Variants in DPP6 observed in about 807,000 individuals in gnomAD.
DPP6 encodes the protein A-type potassium channel modulatory protein DPP6.
DPP6 carries 69 observed loss-of-function variants against 122.6 expected under a neutral mutation model. That is an observed-to-expected ratio of 0.56 (90% CI 0.46 to 0.69). DPP6 has a LOEUF of 0.69. Ranked by LOEUF, DPP6 falls within the 30% of genes least tolerant of loss-of-function variation. The pLI is 0.00. For synonymous variants in DPP6, 418 were observed against 433.1 expected (o/e 0.97, Z 0.43); for missense variants, 928 against 1,116.9 (o/e 0.83, Z 2.41).
intron 5 of DPP6, among the ~76,000 whole-genome samples, chr7:154,574,619 TGTG>T (rs1831375138): frequency 1.3e-5 from 1 of 78,408 alleles, no homozygotes; most frequent in East Asian, 3.5e-4. Context: ...TTGGGGTGTA[TGTG>T]TGTGGTGTGT....
chr7:154,268,120 C>T (rs909765819), intron 1 of DPP6, among the ~76,000 whole-genome samples: 1 of 152,112 alleles, frequency 6.6e-6, no homozygotes, highest in African/African-American at 2.4e-5. Flanking sequence ...GCTCCTAGGT[C>T]TGAAAGTTTA....
At chr7:153,852,000 A>T in the DPP6 span, among the ~76,000 whole-genome samples, 1 of 151,928 alleles carries the variant, frequency 6.6e-6, no homozygotes, top group East Asian at 1.9e-4. Flanking sequence ...TCTCCCTCCC[A>T]TCTCTCTGTG....
intron 8 of DPP6, among the ~76,000 whole-genome samples, chr7:154,730,968 A>G (rs1423769310): frequency 6.6e-6 from 1 of 152,264 alleles, no homozygotes; most frequent in African/African-American, 2.4e-5. Context: ...GTGATAACAG[A>G]GCCCTAAATA....
At chr7:154,206,695 GA>G (rs1455661440) in intron 1 of DPP6, among the ~76,000 whole-genome samples, 1 of 152,100 alleles carries the variant, frequency 6.6e-6, no homozygotes, top group Non-Finnish European at 1.5e-5. Flanking sequence ...ACATGCCCTA[GA>G]AAAAAATGCA....
chr7:154,178,686 A>G (rs1797929455), intron 1 of DPP6, among the ~76,000 whole-genome samples: 1 of 152,220 alleles, frequency 6.6e-6, no homozygotes, highest in South Asian at 2.1e-4. Context: ...GATCACGTTT[A>G]TATAGGATTT....
Position 154,624,271 on chromosome 7 carries a change from G to A in DPP6, c.628-13550G>A, listed in dbSNP as rs1475611059. Among the ~76,000 whole-genome samples, 1 of 151,134 alleles carries A rather than the reference G, an allele frequency of 6.6e-6. No homozygotes were observed. Among genetic ancestry groups the A allele is most frequent in the Admixed American group, 6.6e-5 (1 of 15,154 alleles). On this transcript the variant is annotated intron_variant, in intron 5 of 25. Coordinates refer to ENST00000377770, the MANE Select transcript of DPP6 (RefSeq NM_130797.4). This position sits in a 1 kb window ranked among gnomAD's most constrained non-coding sequence, Gnocchi z 4.7. ...GAACCCGGGAGGCAGAGGTTGCAGT[G>A]AGCCAAGATCACGTCACTGCACTCC...
At chr7:153,856,623 T>C in the DPP6 span, among the ~76,000 whole-genome samples, 1 of 152,234 alleles carries the variant, frequency 6.6e-6, no homozygotes, top group African/African-American at 2.4e-5. Flanking sequence ...TCCTGCCCTA[T>C]GGGGCAGTTT....
chr7:154,463,130 G>A (rs12056160), intron 2 of DPP6, among the ~76,000 whole-genome samples: 6,771 of 149,660 alleles, frequency 0.045, 187 homozygotes, highest in East Asian at 0.14. Context: ...GTACCCTGCC[G>A]CTTTGTGGCT....
At chr7:154,295,941 C>T (rs1042673922) in intron 1 of DPP6, among the ~76,000 whole-genome samples, 17 of 113,780 alleles carry the variant, frequency 1.5e-4, no homozygotes, top group Admixed American at 3.2e-4. Flanking sequence ...TAAACAGTTG[C>T]TTCTTTTTTT....
At chr7:154,832,462 C>T (rs1484132610) in intron 16 of DPP6, among the ~76,000 whole-genome samples, 2 of 152,142 alleles carry the variant, frequency 1.3e-5, no homozygotes, top group African/African-American at 4.8e-5. Context: ...CCATTGGGAG[C>T]CTGGAAGCTG....
intron 7 of DPP6, among the ~76,000 whole-genome samples, chr7:154,685,401 G>A (rs545359662): frequency 3.9e-5 from 6 of 152,180 alleles, no homozygotes; most frequent in Non-Finnish European, 5.9e-5. Context: ...CGAATGCTGT[G>A]GCTGCATGCC....
chr7:154,509,248 T>A (rs914399307), intron 3 of DPP6, among the ~76,000 whole-genome samples: 1 of 152,228 alleles, frequency 6.6e-6, no homozygotes, highest in African/African-American at 2.4e-5. Context: ...GAGGAACTTA[T>A]ATCCAGACTA....
intron 6 of DPP6, among the ~76,000 whole-genome samples, chr7:154,666,484 C>T (rs1243056933): frequency 1.3e-5 from 2 of 151,972 alleles, no homozygotes; most frequent in Non-Finnish European, 2.9e-5. Flanking sequence ...ACCTCATATA[C>T]TTATCTTTTT....
intron 1 of DPP6, among the ~76,000 whole-genome samples, chr7:154,352,443 A>G (rs35121981): frequency 0.1 from 15,153 of 152,152 alleles, 914 homozygotes; most frequent in South Asian, 0.17. Context: ...AGCCTGGGCA[A>G]CAGAGTGAGA....
At chr7:154,045,081 A>G (rs555685568) in intron 1 of DPP6, among the ~76,000 whole-genome samples, 1 of 151,966 alleles carries the variant, frequency 6.6e-6, no homozygotes, top group African/African-American at 2.4e-5. Context: ...TTTGATTTCT[A>G]CCTTCTTCCT....
chr7:154,792,176 A>T (rs1797723332), intron 10 of DPP6, among the ~76,000 whole-genome samples: 1 of 152,230 alleles, frequency 6.6e-6, no homozygotes, highest in Non-Finnish European at 1.5e-5. Context: ...TTGCTGAGAG[A>T]GTAAGTGCAG....
chr7:154,514,124 C>T (rs1320918482), intron 3 of DPP6, among the ~76,000 whole-genome samples: 4 of 151,902 alleles, frequency 2.6e-5, no homozygotes, highest in African/African-American at 9.7e-5. Flanking sequence ...AATTCCAAAA[C>T]AATTAGGCAG....
At chr7:153,785,596 G>GC in the DPP6 span, among the ~76,000 whole-genome samples, 1 of 151,950 alleles carries the variant, frequency 6.6e-6, no homozygotes, top group Admixed American at 6.6e-5. Flanking sequence ...TGATGGTAGT[G>GC]CCCCACAAAT....
intron 5 of DPP6, among the ~76,000 whole-genome samples, chr7:154,612,021 C>T (rs1833942126): frequency 6.6e-6 from 1 of 152,098 alleles, no homozygotes. Flanking sequence ...GAGGTACAGC[C>T]CAATGAAAGG....
Sources: allele counts gnomAD v4.1 joint callset (sites outside exome capture counted in the v4.1 genomes callset), GRCh38; gene constraint gnomAD v4.1.1; non-coding constraint Gnocchi (gnomAD v3.1); transcripts MANE v1.5; gene names NCBI Gene and HGNC (gene_info 2026-07-23, HGNC 2026-07-21).